KCNJ6: variants seen among roughly 807,000 people sequenced by gnomAD.
KCNJ6 encodes the protein potassium inwardly rectifying channel subfamily J member 6, also known as G protein-activated inward rectifier potassium channel 2.
KCNJ6 carries 9 observed loss-of-function variants against 34.2 expected under a neutral mutation model. That is an observed-to-expected ratio of 0.26 (90% confidence interval 0.16 to 0.46). The LOEUF is 0.46. KCNJ6 is among the 20% of genes least tolerant of loss of function. The pLI is 1.00. For synonymous variants in KCNJ6, 196 were observed against 207.1 expected, an observed-to-expected ratio of 0.95 and a Z score of 0.46; for missense variants, 236 against 531.3, an observed-to-expected ratio of 0.44 and a Z score of 5.46.
chr21:37,802,211 A>T (rs960095149), intron 2 of KCNJ6, among the ~76,000 whole-genome samples: 3 of 152,186 alleles, frequency 2.0e-5, no homozygotes, highest in Non-Finnish European at 4.4e-5. Context: ...CTAAGCAAGA[A>T]GCAGTTGTTG....
chr21:37,898,927 A>G (rs1014943804), intron 1 of KCNJ6, among the ~76,000 whole-genome samples: 1 of 152,226 alleles, frequency 6.6e-6, no homozygotes, highest in Non-Finnish European at 1.5e-5. Flanking sequence ...TCTCTTTGCT[A>G]TATTTCTTTG....
At chr21:37,780,369 T>C (rs1049079243) in intron 2 of KCNJ6, among the ~76,000 whole-genome samples, 1 of 152,148 alleles carries the variant, frequency 6.6e-6, no homozygotes, top group Non-Finnish European at 1.5e-5. Context: ...TGAAACCCTT[T>C]TGTATGATAA....
chr21:37,747,743 G>A (rs1191279218), intron 2 of KCNJ6, among the ~76,000 whole-genome samples: 1 of 152,232 alleles, frequency 6.6e-6, no homozygotes, highest in East Asian at 1.9e-4. Flanking sequence ...GCGGCCTCTG[G>A]AAGATGGAAA....
chr21:37,849,737 G>A (rs1276671104), intron 1 of KCNJ6, among the ~76,000 whole-genome samples: 1 of 152,210 alleles, frequency 6.6e-6, no homozygotes, highest in East Asian at 1.9e-4. Context: ...CATTCTCCCT[G>A]GCTAACCCAT....
At chr21:37,760,478 C>T (rs860798) in intron 2 of KCNJ6, among the ~76,000 whole-genome samples, 65,751 of 151,856 alleles carry the variant, frequency 0.43, 14,444 homozygotes, top group East Asian at 0.57. Flanking sequence ...TGTGAAGCCC[C>T]GATTAGGTGG....
chr21:37,853,964 C>T (rs1461465381), intron 1 of KCNJ6, among the ~76,000 whole-genome samples: 1 of 148,330 alleles, frequency 6.7e-6, no homozygotes, highest in Admixed American at 6.7e-5. Flanking sequence ...ATAGATAAAT[C>T]AAAGTTGAAT....
At chr21:37,768,669 C>T (rs1355566371) in intron 2 of KCNJ6, among the ~76,000 whole-genome samples, 1 of 152,160 alleles carries the variant, frequency 6.6e-6, no homozygotes, top group African/African-American at 2.4e-5. Flanking sequence ...CATATACACT[C>T]TTAGATGTAG....
intron 2 of KCNJ6, among the ~76,000 whole-genome samples, chr21:37,834,738 T>A (rs937570865): frequency 2.0e-5 from 3 of 152,240 alleles, no homozygotes; most frequent in African/African-American, 7.2e-5. Flanking sequence ...TGTACTAAAT[T>A]TGAGCTGTTT....
chr21:37,859,817 T>A (rs2055585967), intron 1 of KCNJ6, among the ~76,000 whole-genome samples: 1 of 152,140 alleles, frequency 6.6e-6, no homozygotes, highest in Admixed American at 6.5e-5. Context: ...TATAAAGTAC[T>A]GGGGCTTTGG....
At chr21:37,763,602 C>T (rs1601460817) in intron 2 of KCNJ6, among the ~76,000 whole-genome samples, 1 of 152,178 alleles carries the variant, frequency 6.6e-6, no homozygotes, top group East Asian at 1.9e-4. Flanking sequence ...CCCTGTGCTT[C>T]TGGTATCTGG....
rs544062483 is a variant in KCNJ6 at position 37,752,388 on chromosome 21, T to C, written c.26-37257A>G. Among the ~76,000 whole-genome samples, 30 of 152,206 alleles carry C rather than the reference T, an allele frequency of 2.0e-4. No individual in the cohort carries two copies. The East Asian group carries it at 5.8e-3, about 29-fold the overall frequency. Reference sequence around the variant, plus strand: ...GACATGAAGCTCTGCCCAGTAGATTTCTATACACATGGCGGCTGGATCACC... The same window carrying C: ...GACATGAAGCTCTGCCCAGTAGATTCCTATACACATGGCGGCTGGATCACC... On this transcript the variant is annotated intron_variant, in intron 2 of 3. Coordinates refer to ENST00000609713, the MANE Select transcript of KCNJ6 (RefSeq NM_002240.5).
rs1207707426 is a variant in KCNJ6, at chr21:37,624,568, T to A, written c.*591A>T. The A allele has an allele frequency of 6.5e-6, 1 of 152,986 alleles. No homozygotes were observed. The highest frequency in any genetic ancestry group is 1.5e-5 in the Non-Finnish European group (1 of 68,628). 9.5% of individuals were successfully genotyped at this position (152,986 alleles called of 1,614,324 possible). On this transcript the variant is annotated 3_prime_UTR_variant, in exon 4 of 4. Coordinates refer to ENST00000609713, the MANE Select transcript of KCNJ6 (RefSeq NM_002240.5). ...AGTATTTAGCAGTTCTGTTCTATGG[T>A]ACTTTTGTACATGCTGGGTTTTATT...
chr21:37,798,624 T>C (rs1346836693), intron 2 of KCNJ6, among the ~76,000 whole-genome samples: 13 of 152,158 alleles, frequency 8.5e-5, no homozygotes, highest in Non-Finnish European at 7.3e-5. Flanking sequence ...TGCTACAACA[T>C]AGATGAACCT....
chr21:37,880,351 G>A (rs1018461757), intron 1 of KCNJ6, among the ~76,000 whole-genome samples: 13 of 152,234 alleles, frequency 8.5e-5, no homozygotes, highest in African/African-American at 3.1e-4. Context: ...CACCTCTGCA[G>A]AGAAACATTG....
At chr21:37,805,125 G>C (rs1352456011) in intron 2 of KCNJ6, among the ~76,000 whole-genome samples, 2 of 152,128 alleles carry the variant, frequency 1.3e-5, no homozygotes, top group African/African-American at 4.8e-5. Flanking sequence ...CAGGTGGAAT[G>C]ACTGCTAATA....
chr21:37,878,362 G>T (rs1274973066), intron 1 of KCNJ6, among the ~76,000 whole-genome samples: 1 of 152,090 alleles, frequency 6.6e-6, no homozygotes, highest in Admixed American at 6.5e-5. Context: ...CCTAAACTGT[G>T]AATTGAAATT....
rs2054257235 is a variant in KCNJ6, at chr21:37,614,599, T to C, written c.*10560A>G. 3 of 4,402 alleles carry C rather than the reference T, an allele frequency of 6.8e-4. No homozygotes were observed. In the Admixed American group the frequency reaches 7.1e-3, roughly 10 times the overall value. 0.3% of individuals were successfully genotyped at this position (4,402 alleles called of 1,614,324 possible). A position where few individuals can be genotyped will look rare whatever the true frequency, so the allele number is the denominator to read the frequency against. ...GTGTCTCTGTATGCATGTGTGTGTA[T>C]GCATGTCTGTATGCGTGTGTGTATG... On this transcript the variant is annotated 3_prime_UTR_variant, in exon 4 of 4. Coordinates refer to ENST00000609713, the MANE Select transcript of KCNJ6 (RefSeq NM_002240.5).
At position 37,608,111 on chromosome 21, in the gene KCNJ6, T is replaced by C. The variant is rs1376009283; in HGVS notation, c.*17048A>G. 1 of 152,222 alleles carries C rather than the reference T, an allele frequency of 6.6e-6. No individual in the cohort carries two copies. The highest frequency in any genetic ancestry group is 1.5e-5 in the Non-Finnish European group (1 of 68,030). The allele number at this position is 152,222 out of a possible 1,614,324, so 9.4% of individuals were successfully genotyped here. A position where few individuals can be genotyped will look rare whatever the true frequency, so the allele number is the denominator to read the frequency against. On this transcript the variant is annotated 3_prime_UTR_variant, in exon 4 of 4. Coordinates refer to ENST00000609713, the MANE Select transcript of KCNJ6 (RefSeq NM_002240.5). ...GCAATGATGGGTTTATCAATAATAC[T>C]GTTCATGCTATTCGTTTCTTAGTCC... is the stretch of plus-strand genomic sequence containing the variant.
At chr21:37,778,234 A>G (rs1471534882) in intron 2 of KCNJ6, among the ~76,000 whole-genome samples, 1 of 152,138 alleles carries the variant, frequency 6.6e-6, no homozygotes, top group Non-Finnish European at 1.5e-5. Context: ...CTTACCATGT[A>G]AAAGATCCTC....
Sources: gnomAD v4.1 joint callset for allele counts (sites outside exome capture counted in the v4.1 genomes callset) on GRCh38, gnomAD v4.1.1 for gene constraint, MANE v1.5 for transcripts, NCBI Gene and HGNC (gene_info 2026-07-23, HGNC 2026-07-21) for gene names.